MPP7: variants seen among roughly 807,000 people sequenced by gnomAD.
The protein encoded by MPP7 is MAGUK p55 scaffold protein 7.
Under a neutral mutation model 76.5 loss-of-function variants are expected in MPP7, and 60 were observed. That is an observed-to-expected ratio of 0.78 (90% CI 0.64 to 0.97). The LOEUF (loss-of-function observed/expected upper bound fraction) is 0.97, where lower values mean the gene tolerates loss of function less well. MPP7 is among the 50% of genes least tolerant of loss of function. The pLI is 0.00. For missense variants in MPP7, 641 were observed against 694.0 expected, an observed-to-expected ratio of 0.92 and a Z score of 0.86; for synonymous variants, 237 against 244.5, an observed-to-expected ratio of 0.97 and a Z score of 0.29.
At chr10:28,150,210 A>C (rs948174924) in intron 3 of MPP7, 151 bp from the exon 4 acceptor site, 9 of 602,838 alleles carry the variant, frequency 1.5e-5, no homozygotes, top group African/African-American at 1.5e-4. Flanking sequence ...ATGTTTGTAC[A>C]TGCTAATATA....
intron 11 of MPP7, among the ~76,000 whole-genome samples, chr10:28,093,645 C>G (rs1313266121): frequency 6.6e-6 from 1 of 152,054 alleles, no homozygotes; most frequent in African/African-American, 2.4e-5. Context: ...TGGGGTTTCT[C>G]CATGTTGGCC....
chr10:28,062,272 G>A (rs1851817102), intron 13 of MPP7, among the ~76,000 whole-genome samples: 1 of 152,118 alleles, frequency 6.6e-6, no homozygotes, highest in Non-Finnish European at 1.5e-5. Flanking sequence ...TGTATTTTAT[G>A]TGAAATGACA....
At chr10:28,234,140 T>C (rs1372969027) in intron 2 of MPP7, among the ~76,000 whole-genome samples, 1 of 151,890 alleles carries the variant, frequency 6.6e-6, no homozygotes, top group Non-Finnish European at 1.5e-5. Context: ...GGGCAGGAAA[T>C]ACACAAGATG....
At chr10:28,264,110 A>G (rs1366796132) in intron 1 of MPP7, among the ~76,000 whole-genome samples, 36 of 152,104 alleles carry the variant, frequency 2.4e-4, no homozygotes, top group Admixed American at 2.4e-3. Context: ...CAGCCTGGAC[A>G]ACATAGGGAG....
intron 1 of MPP7, among the ~76,000 whole-genome samples, chr10:28,333,549 G>A (rs1434624273): frequency 6.6e-6 from 1 of 152,218 alleles, no homozygotes; most frequent in Non-Finnish European, 1.5e-5. Flanking sequence ...AAGGTTACAT[G>A]TAGGTCTCAG....
intron 2 of MPP7, among the ~76,000 whole-genome samples, chr10:28,210,071 ATACT>A (rs1838080392): frequency 6.6e-6 from 1 of 152,050 alleles, no homozygotes; most frequent in Non-Finnish European, 1.5e-5. Flanking sequence ...TTGTGCTTTG[ATACT>A]TACTTATACT....
intron 2 of MPP7, among the ~76,000 whole-genome samples, chr10:28,324,434 A>G (rs970294717): frequency 6.6e-6 from 1 of 152,218 alleles, no homozygotes; most frequent in Admixed American, 6.5e-5. Flanking sequence ...AGATAGTAAG[A>G]TTATTATGTA....
rs1302906474 is a variant in MPP7 at position 28,225,661 on chromosome 10, A to G, written c.37+12907T>C. On this transcript the variant is annotated intron_variant, in intron 2 of 16. Transcript: ENST00000683449. Reference sequence around the variant, plus strand: ...GCTATAATCAAAAACTATGGGAAATAACAAATGCTGATAAGGATGGGAAGA... The same window carrying G: ...GCTATAATCAAAAACTATGGGAAATGACAAATGCTGATAAGGATGGGAAGA... 2.0e-5 allele frequency among the ~76,000 whole-genome samples: 3 copies of G among 152,230 alleles called. No homozygotes were observed. The East Asian group carries it at 5.8e-4, about 29-fold the overall frequency.
chr10:28,072,093 G>C (rs926612534), intron 12 of MPP7, among the ~76,000 whole-genome samples: 1 of 152,046 alleles, frequency 6.6e-6, no homozygotes, highest in Admixed American at 6.6e-5. Context: ...GGCCAACATG[G>C]TCAAACCTTG....
At chr10:28,061,855 C>T (rs1451541939) in intron 13 of MPP7, among the ~76,000 whole-genome samples, 1 of 151,662 alleles carries the variant, frequency 6.6e-6, no homozygotes, top group Non-Finnish European at 1.5e-5. Flanking sequence ...TATTATAAAT[C>T]ATAAAAATAA....
chr10:28,061,332 C>G (rs1371930931), intron 13 of MPP7, among the ~76,000 whole-genome samples: 1 of 151,756 alleles, frequency 6.6e-6, no homozygotes. Flanking sequence ...AATATAAATT[C>G]TTAGCAGAAG....
intron 5 of MPP7, among the ~76,000 whole-genome samples, chr10:28,138,674 C>G (rs1034638383): frequency 1.5e-4 from 23 of 152,222 alleles, no homozygotes; most frequent in Non-Finnish European, 5.9e-5. Context: ...ACAGGTTATA[C>G]AAGAAAAGTG....
intron 12 of MPP7, among the ~76,000 whole-genome samples, chr10:28,078,203 C>T (rs1852587539): frequency 6.6e-6 from 1 of 152,186 alleles, no homozygotes; most frequent in Admixed American, 6.5e-5. Context: ...ATTGGAACTT[C>T]ACGGACTCTC....
intron 3 of MPP7, among the ~76,000 whole-genome samples, chr10:28,173,418 T>C (rs77835985): frequency 0.031 from 4,700 of 152,166 alleles, 90 homozygotes; most frequent in South Asian, 0.059. Context: ...AGAAATAAAA[T>C]TGGCATTATT....
At chr10:28,061,315 G>A (rs1443893231) in intron 13 of MPP7, among the ~76,000 whole-genome samples, 3 of 151,566 alleles carry the variant, frequency 2.0e-5, no homozygotes, top group African/African-American at 7.3e-5. Context: ...TACTTGAATT[G>A]AACAAAAATA....
chr10:28,071,725 C>T (rs539225661), intron 12 of MPP7, among the ~76,000 whole-genome samples: 1 of 152,214 alleles, frequency 6.6e-6, no homozygotes, highest in African/African-American at 2.4e-5. Flanking sequence ...GAAAACCTAA[C>T]CAAGTCAGAT....
chr10:28,058,029 A>G (rs1263020028), intron 15 of MPP7, among the ~76,000 whole-genome samples: 1 of 152,198 alleles, frequency 6.6e-6, no homozygotes, highest in Non-Finnish European at 1.5e-5. Flanking sequence ...CATTTCCTGC[A>G]AAATGCCCTT....
chr10:28,251,066 T>C (rs1839597726), intron 1 of MPP7, among the ~76,000 whole-genome samples: 1 of 152,214 alleles, frequency 6.6e-6, no homozygotes, highest in Admixed American at 6.5e-5. Context: ...ATAAAAAATA[T>C]ATTTCTAATA....
intron 8 of MPP7, among the ~76,000 whole-genome samples, 157 bp downstream of exon 8, chr10:28,123,874 T>G (rs1162136365): frequency 6.6e-6 from 1 of 152,136 alleles, no homozygotes; most frequent in Non-Finnish European, 1.5e-5. Flanking sequence ...GAGGCATGAA[T>G]AGATTAAGAT....
Sources: gnomAD v4.1 joint callset for allele counts (sites outside exome capture counted in the v4.1 genomes callset) on GRCh38, gnomAD v4.1.1 for gene constraint, MANE v1.5 for transcripts, NCBI Gene and HGNC (gene_info 2026-07-23, HGNC 2026-07-21) for gene names.